The following PTPN4 variants were observed in gnomAD, a reference collection of about 807,000 sequenced individuals.
PTPN4 encodes the protein protein tyrosine phosphatase non-receptor type 4.
PTPN4 carries 49 observed loss-of-function variants against 135.5 expected under a neutral mutation model. The ratio of observed to expected loss-of-function variants is 0.36; its 90% CI spans 0.29 to 0.46. PTPN4 has a LOEUF of 0.46. Ranked by LOEUF, PTPN4 falls within the 20% of genes least tolerant of loss-of-function variation. The pLI is 1.00. For missense variants in PTPN4, 860 were observed against 1,101.0 expected (o/e 0.78, Z 3.10); for synonymous variants, 333 against 369.9 (o/e 0.90, Z 1.14).
intron 5 of PTPN4, among the ~76,000 whole-genome samples, 179 bp from the exon 6 acceptor site, chr2:119,881,607 G>A (rs1446417940): frequency 6.6e-6 from 1 of 152,118 alleles, no homozygotes; most frequent in African/African-American, 2.4e-5. Flanking sequence ...GAGTTTTAAA[G>A]ATTTAGATTC....
chr2:119,970,940 T>A (rs1237172395), intron 26 of PTPN4, among the ~76,000 whole-genome samples: 1 of 152,236 alleles, frequency 6.6e-6, no homozygotes, highest in Non-Finnish European at 1.5e-5. Context: ...TTTCTTCACA[T>A]CATCATCAAC....
intron 5 of PTPN4, among the ~76,000 whole-genome samples, chr2:119,878,087 G>C (rs1266718714): frequency 6.6e-6 from 1 of 152,078 alleles, no homozygotes; most frequent in African/African-American, 2.4e-5. Context: ...AGCATGTTGA[G>C]GCCTTTACAT....
chr2:119,783,957 T>A (rs1412983447), intron 1 of PTPN4, among the ~76,000 whole-genome samples: 1 of 152,204 alleles, frequency 6.6e-6, no homozygotes, highest in African/African-American at 2.4e-5. Flanking sequence ...GGGATCCACT[T>A]CGCAGATTGC....
intron 2 of PTPN4, among the ~76,000 whole-genome samples, chr2:119,826,755 G>A (rs183606860): frequency 1.3e-5 from 2 of 152,296 alleles, no homozygotes; most frequent in Admixed American, 1.3e-4. Flanking sequence ...GGTGAGTGTG[G>A]TTGCTCACGC....
chr2:119,782,425 G>A (rs905213477), intron 1 of PTPN4, among the ~76,000 whole-genome samples: 13 of 150,984 alleles, frequency 8.6e-5, no homozygotes, highest in Non-Finnish European at 1.8e-4. Context: ...TCTAAAAAAC[G>A]AAAAGAAAAA....
intron 3 of PTPN4, 32 bp from the exon 4 acceptor site, chr2:119,877,291 A>G (rs760959299): frequency 1.3e-6 from 2 of 1,597,570 alleles, no homozygotes; most frequent in East Asian, 4.5e-5. Context: ...CTCAAGGAAA[A>G]AAGAAATCAG....
chr2:119,963,852 C>T (rs1679406303), intron 24 of PTPN4, among the ~76,000 whole-genome samples: 1 of 152,094 alleles, frequency 6.6e-6, no homozygotes, highest in Non-Finnish European at 1.5e-5. Context: ...AAAATAATGT[C>T]TATCTTTAGC....
chr2:119,881,767 T>C lies in PTPN4; in HGVS notation c.369-19T>C. The C allele has an allele frequency of 6.7e-7, 1 of 1,495,034 alleles. No individual in the cohort carries two copies. The highest frequency in any genetic ancestry group is 1.2e-5 in the South Asian group (1 of 82,086). 92.6% of individuals were successfully genotyped at this position (1,495,034 alleles called of 1,614,324 possible). ...ACAATTCTATTAAATGCTATCCTTT[T>C]TGTTTGTTTGTTTTTAAGGTACCAG... On this transcript the variant is annotated intron_variant, in intron 5 of 26. Coordinates refer to ENST00000263708, the MANE Select transcript of PTPN4 (RefSeq NM_002830.4).
At chr2:119,959,113 A>G (rs1679328942) in intron 22 of PTPN4, among the ~76,000 whole-genome samples, 1 of 152,170 alleles carries the variant, frequency 6.6e-6, no homozygotes, top group Non-Finnish European at 1.5e-5. Context: ...AAGTATGTCT[A>G]CTAGATGACC....
At chr2:119,765,557 A>C (rs1019590928) in intron 1 of PTPN4, among the ~76,000 whole-genome samples, 12 of 152,244 alleles carry the variant, frequency 7.9e-5, no homozygotes, top group African/African-American at 2.7e-4. Context: ...TGATGATGTA[A>C]TGAACATTCC....
At chr2:119,942,291 G>A (rs1679071608) in intron 15 of PTPN4, among the ~76,000 whole-genome samples, 1 of 152,030 alleles carries the variant, frequency 6.6e-6, no homozygotes, top group Admixed American at 6.5e-5. Flanking sequence ...CCACTGTTAG[G>A]CCCATACTGA....
At position 119,877,341 on chromosome 2, in the gene PTPN4, A is replaced by C; in HGVS notation, c.265A>C (p.Lys89Gln). ...TTTTCAGAGGTGGCTGGATCCAAAC[A>C]AACCAATAAGGAAGCAGCTAAAGAG... is the stretch of plus-strand genomic sequence containing the variant. ...TDNPRWLDPNKPIRKQLKRGS... is the reference protein window; with the variant it reads ...TDNPRWLDPNQPIRKQLKRGS... Residue 89 changes from lysine to glutamine, a missense_variant, in exon 4 of 27, where the codon AAA becomes CAA. Physicochemically the swap from Lys to Gln is moderately conservative, Grantham distance 53. Around this residue, in one of 2 missense-constraint regions of PTPN4, gnomAD observed 684 missense variants for 807.0 expected, o/e 0.85. Coordinates refer to ENST00000263708, the MANE Select transcript of PTPN4 (RefSeq NM_002830.4). 2 of 1,611,686 alleles carry C rather than the reference A, an allele frequency of 1.2e-6. No homozygotes were observed. The highest frequency in any genetic ancestry group is 1.3e-5 in the African/African-American group (1 of 74,932).
chr2:119,850,800 A>G (rs1677580015), intron 2 of PTPN4, among the ~76,000 whole-genome samples: 1 of 152,188 alleles, frequency 6.6e-6, no homozygotes, highest in African/African-American at 2.4e-5. Flanking sequence ...TATGCTCAGG[A>G]GCAGATCCAT....
intron 1 of PTPN4, among the ~76,000 whole-genome samples, chr2:119,802,203 C>G (rs573808261): frequency 6.6e-6 from 1 of 152,200 alleles, no homozygotes; most frequent in Non-Finnish European, 1.5e-5. Context: ...GGCGCTCCTC[C>G]TTTTTTTAAC....
At chr2:119,853,032 T>G (rs979041552) in intron 2 of PTPN4, among the ~76,000 whole-genome samples, 4 of 152,120 alleles carry the variant, frequency 2.6e-5, no homozygotes, top group African/African-American at 9.6e-5. Flanking sequence ...GTTTGTTTTA[T>G]GACCCAGGAT....
At chr2:119,835,728 A>G (rs1420764098) in intron 2 of PTPN4, among the ~76,000 whole-genome samples, 1 of 152,082 alleles carries the variant, frequency 6.6e-6, no homozygotes, top group African/African-American at 2.4e-5. Flanking sequence ...TTTTTCTTAT[A>G]TGGAAAATAG....
In PTPN4 at chr2:119,983,164, T is replaced by C. The variant is rs1291396926; in HGVS notation, c.*6094T>C. 1.3e-5 allele frequency: 2 copies of C among 152,348 alleles called. No homozygotes were observed. Among genetic ancestry groups the C allele is most frequent in the East Asian group, 3.8e-4 (2 of 5,196 alleles). The allele number at this position is 152,348 out of a possible 1,614,324, so 9.4% of individuals were successfully genotyped here. Reference sequence around the variant, plus strand: ...GCTATAACTGTTGAAAGGATTGGTGTCAGGCTCTCTCAACCCTGGGAGTTT... The same window carrying C: ...GCTATAACTGTTGAAAGGATTGGTGCCAGGCTCTCTCAACCCTGGGAGTTT... On this transcript the variant is annotated 3_prime_UTR_variant, in exon 27 of 27. Coordinates refer to ENST00000263708, the MANE Select transcript of PTPN4 (RefSeq NM_002830.4).
chr2:119,788,587 A>C (rs780753958), intron 1 of PTPN4, among the ~76,000 whole-genome samples: 1 of 152,164 alleles, frequency 6.6e-6, no homozygotes, highest in Non-Finnish European at 1.5e-5. Flanking sequence ...GAAATTCTGT[A>C]CCCAATAAAC....
chr2:119,953,908 G>A (rs1679244411), intron 19 of PTPN4, among the ~76,000 whole-genome samples: 2 of 152,104 alleles, frequency 1.3e-5, no homozygotes, highest in African/African-American at 4.8e-5. Context: ...TCATCCTTTT[G>A]CTTTATAGTA....
Sources: gnomAD v4.1 joint callset for allele counts (sites outside exome capture counted in the v4.1 genomes callset) on GRCh38, gnomAD v4.1.1 for gene constraint, gnomAD v4.1.1 regional missense constraint, MANE v1.5 for transcripts, NCBI Gene and HGNC (gene_info 2026-07-23, HGNC 2026-07-21) for gene names.